PRKN: variants seen among roughly 807,000 people sequenced by gnomAD.
The protein encoded by PRKN is parkin RBR E3 ubiquitin protein ligase, also known as E3 ubiquitin-protein ligase parkin.
Under a neutral mutation model 59.5 loss-of-function variants are expected in PRKN, and 56 were observed. The ratio of observed to expected loss-of-function variants is 0.94; its 90% CI spans 0.76 to 1.18. The LOEUF (loss-of-function observed/expected upper bound fraction) is 1.18. PRKN is among the 50% of genes most tolerant of loss of function. The probability of loss-of-function intolerance (pLI) is 0.00; values close to 1 mark genes in which losing one functional copy is unlikely to be tolerated. For synonymous variants in PRKN, 250 were observed against 222.1 expected, an observed-to-expected ratio of 1.13 and a Z score of -1.12; for missense variants, 657 against 596.4, an observed-to-expected ratio of 1.10 and a Z score of -1.06.
intron 6 of PRKN, among the ~76,000 whole-genome samples, chr6:161,931,858 A>G (rs1392198159): frequency 6.6e-6 from 1 of 152,202 alleles, no homozygotes; most frequent in Non-Finnish European, 1.5e-5. Flanking sequence ...TTGGAGGAGA[A>G]TTTAGCACAA....
Position 161,612,619 on chromosome 6 carries a change from G to T in PRKN, c.872-43203C>A, listed in dbSNP as rs1035599516. Among the ~76,000 whole-genome samples, 10 of 151,214 alleles carry T rather than the reference G, an allele frequency of 6.6e-5. No homozygotes were observed. The East Asian group carries it at 1.8e-3, about 27-fold the overall frequency. Reference sequence around the variant, plus strand: ...GCCTGTAGTCCCAGCTACTCAGGAGGCCGAGGCAGGAGAATTGCTTGAACC... The same window carrying T: ...GCCTGTAGTCCCAGCTACTCAGGAGTCCGAGGCAGGAGAATTGCTTGAACC... On this transcript the variant is annotated intron_variant, in intron 7 of 11. Transcript: ENST00000366898.
intron 6 of PRKN, among the ~76,000 whole-genome samples, chr6:161,888,852 T>C (rs1280457591): frequency 1.3e-5 from 2 of 152,190 alleles, no homozygotes; most frequent in East Asian, 3.9e-4. Flanking sequence ...CAGCTTAGAC[T>C]TCATGCTTCC....
chr6:161,897,326 T>C (rs1777665566), intron 6 of PRKN, among the ~76,000 whole-genome samples: 1 of 152,222 alleles, frequency 6.6e-6, no homozygotes, highest in South Asian at 2.1e-4. Flanking sequence ...TCTCCTATCA[T>C]CCCTCTCATT....
At chr6:161,556,359 T>C (rs142190769) in intron 8 of PRKN, among the ~76,000 whole-genome samples, 6 of 152,266 alleles carry the variant, frequency 3.9e-5, no homozygotes, top group African/African-American at 1.2e-4. Flanking sequence ...AAAATTAACA[T>C]TGTGATATTT....
At chr6:161,774,317 G>A (rs1049202972) in intron 7 of PRKN, among the ~76,000 whole-genome samples, 1 of 151,222 alleles carries the variant, frequency 6.6e-6, no homozygotes, top group African/African-American at 2.4e-5. Context: ...TTGACAGCCC[G>A]TTTGCTTTTT....
Position 161,397,070 on chromosome 6 carries a change from C to T in PRKN, c.1084-10193G>A, listed in dbSNP as rs1786795611. On this transcript the variant is annotated intron_variant, in intron 9 of 11. Transcript: ENST00000366898. The surrounding 1 kb of genome is among the most constrained non-coding windows in gnomAD (Gnocchi z 4.2). ...CCAAAATGATCAAGGTGTTTTCTTCCCAAGCCCTGTTTCTTACTCATACCT... is the reference window on the plus strand; with the variant it reads ...CCAAAATGATCAAGGTGTTTTCTTCTCAAGCCCTGTTTCTTACTCATACCT... Among the ~76,000 whole-genome samples the T allele has an allele frequency of 6.6e-6, 1 of 152,134 alleles. No homozygotes were observed. The highest frequency in any genetic ancestry group is 1.5e-5 in the Non-Finnish European group (1 of 68,032).
intron 9 of PRKN, among the ~76,000 whole-genome samples, chr6:161,425,411 T>G: frequency 6.6e-6 from 1 of 152,206 alleles, no homozygotes; most frequent in East Asian, 1.9e-4. Flanking sequence ...AGTACTTGTT[T>G]GTCCTGTCTA....
At chr6:162,590,713 A>G (rs1781268452) in intron 1 of PRKN, among the ~76,000 whole-genome samples, 2 of 152,126 alleles carry the variant, frequency 1.3e-5, no homozygotes, top group African/African-American at 2.4e-5. Flanking sequence ...TAACCTACAG[A>G]CTCATCAAGC....
chr6:162,683,177 G>A (rs1779837450), intron 1 of PRKN, among the ~76,000 whole-genome samples: 1 of 152,088 alleles, frequency 6.6e-6, no homozygotes, highest in African/African-American at 2.4e-5. Flanking sequence ...AAGCGGGGAG[G>A]ACTTTATCTT....
At chr6:161,856,966 A>C (rs962255123) in intron 6 of PRKN, among the ~76,000 whole-genome samples, 1 of 152,208 alleles carries the variant, frequency 6.6e-6, no homozygotes, top group African/African-American at 2.4e-5. Context: ...AGAATCAGAG[A>C]GTAGTCCTGG....
intron 2 of PRKN, among the ~76,000 whole-genome samples, chr6:162,288,008 T>C (rs1346036625): frequency 6.6e-6 from 1 of 152,140 alleles, no homozygotes; most frequent in Non-Finnish European, 1.5e-5. Flanking sequence ...CCAGGCCAAA[T>C]GCCTCAGGTT....
chr6:162,575,736 A>T (rs1391150778), intron 1 of PRKN, among the ~76,000 whole-genome samples: 1 of 152,148 alleles, frequency 6.6e-6, no homozygotes, highest in Non-Finnish European at 1.5e-5. Flanking sequence ...TCCCAGTCAC[A>T]CAGGCTATAG....
At position 161,756,452 on chromosome 6, in the gene PRKN, A is replaced by G. The variant is rs1250914729; in HGVS notation, c.871+29320T>C. On this transcript the variant is annotated intron_variant, in intron 7 of 11. Coordinates refer to ENST00000366898, the MANE Select transcript of PRKN (RefSeq NM_004562.3). The stretch of plus-strand genomic sequence containing the variant: ...GTGAAACCTTGTCTCGAAAAAAAAA[A>G]AAAAAAAAAAAAAAAAAACACTTTC... 4.0e-5 allele frequency among the ~76,000 whole-genome samples: 6 copies of G among 151,062 alleles called. 1 individual carries two copies. Among genetic ancestry groups the G allele is most frequent in the African/African-American group, 1.2e-4 (5 of 41,148 alleles).
intron 9 of PRKN, among the ~76,000 whole-genome samples, chr6:161,495,684 A>G (rs1356399176): frequency 1.3e-5 from 2 of 152,220 alleles, no homozygotes; most frequent in African/African-American, 4.8e-5. Flanking sequence ...CTTACCACAG[A>G]GCCAGCCATG....
intron 4 of PRKN, among the ~76,000 whole-genome samples, chr6:162,107,597 T>C (rs1287349632): frequency 1.3e-5 from 2 of 152,248 alleles, no homozygotes; most frequent in Non-Finnish European, 2.9e-5. Context: ...TCAGCAACTT[T>C]ATAACACTGA....
At chr6:161,615,263 C>T (rs909018779) in intron 7 of PRKN, among the ~76,000 whole-genome samples, 1 of 152,076 alleles carries the variant, frequency 6.6e-6, no homozygotes, top group Non-Finnish European at 1.5e-5. Flanking sequence ...GCCCCCTAAC[C>T]CTCCCTTCAT....
chr6:161,493,848 T>C (rs493806), intron 9 of PRKN, among the ~76,000 whole-genome samples: 121,604 of 152,184 alleles, frequency 0.8, 48,921 homozygotes, highest in Middle Eastern at 0.89. Context: ...AGTGAAGTCC[T>C]TCAATTAGCA....
At chr6:162,401,933 C>A (rs1562735753) in intron 2 of PRKN, among the ~76,000 whole-genome samples, 1 of 152,246 alleles carries the variant, frequency 6.6e-6, no homozygotes, top group South Asian at 2.1e-4. Context: ...TAAGCAACTT[C>A]TAGAGATTAT....
intron 6 of PRKN, among the ~76,000 whole-genome samples, chr6:161,791,143 TAAGTA>T (rs778060439): frequency 4.6e-5 from 7 of 152,320 alleles, no homozygotes; most frequent in Admixed American, 6.5e-5. Flanking sequence ...AATTAAAGGT[TAAGTA>T]AAGTTCTCAA....
Sources: allele counts gnomAD v4.1 joint callset (sites outside exome capture counted in the v4.1 genomes callset), GRCh38; gene constraint gnomAD v4.1.1; non-coding constraint Gnocchi (gnomAD v3.1); transcripts MANE v1.5; gene names NCBI Gene and HGNC (gene_info 2026-07-23, HGNC 2026-07-21).